The following ITGB6 variants were observed in gnomAD, a reference collection of about 807,000 sequenced individuals.
ITGB6 encodes the protein integrin beta-6.
A neutral mutation model predicts 84.5 loss-of-function variants in ITGB6; 80 were observed. The observed-to-expected ratio is 0.95, with a 90% CI of 0.79 to 1.14. ITGB6 has a LOEUF of 1.14. Ranked by LOEUF, ITGB6 falls within the 50% of genes most tolerant of loss-of-function variation. ITGB6 has a pLI of 0.00. For synonymous variants in ITGB6, 383 were observed against 354.9 expected (o/e 1.08, Z -0.89); for missense variants, 1,006 against 968.0 (o/e 1.04, Z -0.52).
At chr2:160,185,917 A>G (rs1446656337) in intron 4 of ITGB6, among the ~76,000 whole-genome samples, 5 of 152,234 alleles carry the variant, frequency 3.3e-5, no homozygotes, top group Non-Finnish European at 4.4e-5. Context: ...CTGACTAGCC[A>G]TATGCAAAAA....
intron 14 of ITGB6, 50 bp from the exon 15 acceptor site, chr2:160,101,884 T>C: frequency 9.2e-7 from 1 of 1,091,056 alleles, no homozygotes; most frequent in African/African-American, 1.6e-5. Context: ...TTTGTTTTTA[T>C]ACTGTTTTAA....
chr2:160,143,953 A>G (rs1450305247), intron 7 of ITGB6, among the ~76,000 whole-genome samples: 2 of 152,178 alleles, frequency 1.3e-5, no homozygotes, highest in Non-Finnish European at 2.9e-5. Context: ...TTTTGATTTG[A>G]GGGTTTCTAA....
intron 12 of ITGB6, among the ~76,000 whole-genome samples, chr2:160,116,698 A>C (rs1476536784): frequency 6.6e-6 from 1 of 152,266 alleles, no homozygotes; most frequent in Admixed American, 6.5e-5. Flanking sequence ...TAAATGCTCC[A>C]ATTAAAAGAC....
intron 10 of ITGB6, among the ~76,000 whole-genome samples, chr2:160,131,936 A>G (rs372616291): frequency 6.6e-6 from 1 of 152,194 alleles, no homozygotes; most frequent in Non-Finnish European, 1.5e-5. Flanking sequence ...CTGTTGCTAA[A>G]CAGAGTTCAG....
intron 12 of ITGB6, among the ~76,000 whole-genome samples, chr2:160,117,976 A>G (rs958559523): frequency 2.0e-5 from 3 of 152,248 alleles, no homozygotes; most frequent in African/African-American, 7.2e-5. Context: ...AAGAAGTTGA[A>G]TCTCTGAATA....
chr2:160,175,679 C>CT (rs1685390431), intron 4 of ITGB6, among the ~76,000 whole-genome samples: 1 of 152,212 alleles, frequency 6.6e-6, no homozygotes, highest in African/African-American at 2.4e-5. Flanking sequence ...GTGAGACAAG[C>CT]TTCATTCAGG....
chr2:160,116,641 A>G (rs1399988671), intron 12 of ITGB6, among the ~76,000 whole-genome samples: 5 of 152,106 alleles, frequency 3.3e-5, no homozygotes, highest in Non-Finnish European at 5.9e-5. Context: ...TCATAATGAC[A>G]GGACCAAATT....
rs544550479 is a variant in ITGB6 at position 160,165,931 on chromosome 2, G to A, written c.1017+3281C>T. Among the ~76,000 whole-genome samples the A allele has an allele frequency of 9.8e-5, 15 of 152,330 alleles. 1 individual carries two copies. Among genetic ancestry groups the A allele is most frequent in the African/African-American group, 3.1e-4 (13 of 41,582 alleles). The stretch of plus-strand genomic sequence containing the variant: ...GCTTCCTCAATCTTAACAAGTGCTT[G>A]TCACGCAAAACTCCAAGTCTTTCTT... On this transcript the variant is annotated intron_variant, in intron 7 of 14. Transcript: ENST00000283249.
intron 12 of ITGB6, among the ~76,000 whole-genome samples, chr2:160,115,114 T>C (rs1682708123): frequency 6.6e-6 from 1 of 152,226 alleles, no homozygotes; most frequent in African/African-American, 2.4e-5. Flanking sequence ...TCTGCAGACT[T>C]AAATGTCCCT....
At chr2:160,116,075 T>G (rs1682751844) in intron 12 of ITGB6, among the ~76,000 whole-genome samples, 1 of 147,306 alleles carries the variant, frequency 6.8e-6, no homozygotes, top group Non-Finnish European at 1.5e-5. Flanking sequence ...GGAACCAAGT[T>G]GGAAAACACT....
chr2:160,161,510 C>T (rs1201768100), intron 7 of ITGB6, among the ~76,000 whole-genome samples: 3 of 152,028 alleles, frequency 2.0e-5, no homozygotes, highest in East Asian at 3.9e-4. Flanking sequence ...AGGCTGTTCT[C>T]GAACTCCTGA....
intron 10 of ITGB6, among the ~76,000 whole-genome samples, chr2:160,134,576 ACCAAAG>A (rs1218411085): frequency 3.3e-5 from 5 of 152,300 alleles, no homozygotes; most frequent in Non-Finnish European, 7.3e-5. Flanking sequence ...TCATCCTGAT[ACCAAAG>A]CCTGGCAGAG....
intron 2 of ITGB6, among the ~76,000 whole-genome samples, chr2:160,197,355 G>C (rs1002860765): frequency 1.3e-5 from 2 of 152,104 alleles, no homozygotes; most frequent in African/African-American, 4.8e-5. Context: ...GGATAGCAGA[G>C]GGGCAGTGAG....
chr2:160,115,222 A>G (rs1463581113), intron 12 of ITGB6, among the ~76,000 whole-genome samples: 1 of 151,620 alleles, frequency 6.6e-6, no homozygotes. Context: ...TGACCCCCGA[A>G]CAGCCTAACT....
At chr2:160,121,200 C>T (rs1475857851) in intron 12 of ITGB6, among the ~76,000 whole-genome samples, 1 of 152,102 alleles carries the variant, frequency 6.6e-6, no homozygotes, top group Non-Finnish European at 1.5e-5. Flanking sequence ...AAACAAACAA[C>T]AATGTTTCCC....
At chr2:160,165,461 C>CT (rs1684968153) in intron 7 of ITGB6, among the ~76,000 whole-genome samples, 2 of 152,288 alleles carry the variant, frequency 1.3e-5, no homozygotes, top group South Asian at 4.1e-4. Context: ...ATAGAACAGG[C>CT]TAACAAATAG....
At chr2:160,119,140 T>C (rs1359030136) in intron 12 of ITGB6, among the ~76,000 whole-genome samples, 1 of 152,218 alleles carries the variant, frequency 6.6e-6, no homozygotes, top group Non-Finnish European at 1.5e-5. Context: ...ACCAATGACT[T>C]TCTTCACAGA....
intron 12 of ITGB6, among the ~76,000 whole-genome samples, chr2:160,122,469 G>A (rs13027372): frequency 0.67 from 101,406 of 151,940 alleles, 34,250 homozygotes; most frequent in Admixed American, 0.74. Flanking sequence ...CAATTTTTAC[G>A]CGTTTCTCAG....
rs1454063799 is a variant in ITGB6, at chr2:160,101,850, A to G, written c.2269-16T>C. 13 of 1,121,304 alleles carry G rather than the reference A, an allele frequency of 1.2e-5. No individual in the cohort carries two copies. Among genetic ancestry groups the G allele is most frequent in the Admixed American group, 1.9e-5 (1 of 53,610 alleles). 69.5% of individuals were successfully genotyped at this position (1,121,304 alleles called of 1,614,324 possible). ...GATTGGTTCCCTGGAAAAAAAAAAA[A>G]GATTCAAGTGAAAGTATGTATATTT... On this transcript the variant is annotated splice_polypyrimidine_tract_variant and intron_variant, in intron 14 of 14. Transcript: ENST00000283249.
Sources: allele counts gnomAD v4.1 joint callset (sites outside exome capture counted in the v4.1 genomes callset), GRCh38; gene constraint gnomAD v4.1.1; transcripts MANE v1.5; gene names NCBI Gene and HGNC (gene_info 2026-07-23, HGNC 2026-07-21).